LARS2: variants seen among roughly 807,000 people sequenced by gnomAD.
LARS2 encodes the protein leucyl-tRNA synthetase 2, mitochondrial, also known as leucine--tRNA ligase, mitochondrial.
Under a neutral mutation model 116.6 loss-of-function variants are expected in LARS2, and 81 were observed. The observed-to-expected ratio is 0.69, with a 90% confidence interval of 0.58 to 0.84. The LOEUF is 0.84. Among genes scored for constraint, LARS2 ranks in the 40% least tolerant of loss-of-function variants. The probability of loss-of-function intolerance (pLI) is 0.00; values close to 1 mark genes in which losing one functional copy is unlikely to be tolerated. For synonymous variants in LARS2, 396 were observed against 407.2 expected (o/e 0.97, Z 0.33); for missense variants, 968 against 1,114.5 (o/e 0.87, Z 1.87).
At chr3:45,508,032 T>C (rs1384950949) in intron 15 of LARS2, among the ~76,000 whole-genome samples, 2 of 152,048 alleles carry the variant, frequency 1.3e-5, no homozygotes, top group Non-Finnish European at 2.9e-5. Flanking sequence ...CCATCTTCAC[T>C]GAATGAGATC....
chr3:45,460,031 A>G (rs1331454965), intron 8 of LARS2, among the ~76,000 whole-genome samples: 7 of 152,212 alleles, frequency 4.6e-5, no homozygotes, highest in Admixed American at 4.6e-4. Context: ...TCAATATCCC[A>G]TGGTCACTAC....
chr3:45,444,492 A>G (rs62244124), intron 6 of LARS2, among the ~76,000 whole-genome samples: 1 of 130,878 alleles, frequency 7.6e-6, no homozygotes, highest in East Asian at 2.3e-4. Flanking sequence ...TGAAACCCCC[A>G]TCTCTACTAA....
At chr3:45,504,986 C>G (rs369952858) in intron 15 of LARS2, among the ~76,000 whole-genome samples, 1 of 151,524 alleles carries the variant, frequency 6.6e-6, no homozygotes, top group South Asian at 2.1e-4. Context: ...GAGGCTGAGG[C>G]ACGAGAATTG....
chr3:45,429,442 C>T (rs1349202413), intron 6 of LARS2, among the ~76,000 whole-genome samples: 1 of 152,202 alleles, frequency 6.6e-6, no homozygotes, highest in Non-Finnish European at 1.5e-5. Flanking sequence ...CATTTCTTCT[C>T]AAGCCTTCCA....
chr3:45,435,758 C>T (rs760550445), intron 6 of LARS2, among the ~76,000 whole-genome samples: 15 of 152,126 alleles, frequency 9.9e-5, no homozygotes, highest in Non-Finnish European at 2.1e-4. Flanking sequence ...CAGGACTTAC[C>T]ATTGTCATTC....
chr3:45,423,943 T>A (rs1163932413), intron 6 of LARS2, among the ~76,000 whole-genome samples: 2 of 152,202 alleles, frequency 1.3e-5, no homozygotes, highest in Admixed American at 6.5e-5. Context: ...TTGTCTTTTT[T>A]AAAAATACTT....
rs1165175936 is a variant in LARS2 at position 45,476,475 on chromosome 3, G to C, written c.866G>C (p.Gly289Ala). 6.2e-7 allele frequency: 1 copy of C among 1,614,022 alleles called. No individual in the cohort carries two copies. Among genetic ancestry groups the C allele is most frequent in the Admixed American group, 1.7e-5 (1 of 59,996 alleles). The change falls in exon 10 of 22, where the codon GGG becomes GCG. Residue 289 changes from glycine to alanine, a missense_variant. Gly to Ala is a moderately conservative substitution (Grantham distance 60, BLOSUM62 0). Transcript: ENST00000645846. ...CHLDFTLKVH[G>A]QATGEKLTAY... ...CTTCTTTCCTATCACCAGGTTCATG[G>C]GCAAGCCACGGGCGAAAAGCTGACT...
chr3:45,484,651 A>ATATATATATATATATATATATATATAT (rs1553634461), intron 10 of LARS2, among the ~76,000 whole-genome samples: 1 of 100,650 alleles, frequency 9.9e-6, no homozygotes, highest in Non-Finnish European at 2.1e-5. Context: ...ATATATATTT[A>ATATATATATATATATATATATATATAT]AAATAAGATG....
chr3:45,483,447 G>A (rs565993993), intron 10 of LARS2, among the ~76,000 whole-genome samples: 4 of 152,214 alleles, frequency 2.6e-5, no homozygotes, highest in South Asian at 4.1e-4. Context: ...TCAGGAGTTC[G>A]AGACCAGCCT....
In LARS2 at chr3:45,440,746, G is replaced by C. The variant is rs556990482; in HGVS notation, c.517-6145G>C. On this transcript the variant is annotated intron_variant, in intron 6 of 21. Coordinates refer to ENST00000645846, the MANE Select transcript of LARS2 (RefSeq NM_015340.4). The stretch of plus-strand genomic sequence containing the variant: ...CTAAATCCTGCCCAAGCAGCAGTGT[G>C]GGGGTGGAGGCAACCTAGCAGGCCC... 1.2e-3 allele frequency among the ~76,000 whole-genome samples: 188 copies of C among 152,212 alleles called. 1 individual carries two copies. Among genetic ancestry groups the C allele is most frequent in the Non-Finnish European group, 2.2e-3 (153 of 68,006 alleles).
intron 6 of LARS2, among the ~76,000 whole-genome samples, chr3:45,425,502 C>T (rs1425683100): frequency 6.6e-6 from 1 of 152,218 alleles, no homozygotes; most frequent in East Asian, 1.9e-4. Flanking sequence ...TGGTCAGCAG[C>T]ACAGCCACAT....
intron 15 of LARS2, among the ~76,000 whole-genome samples, chr3:45,502,921 T>G (rs1469546577): frequency 6.6e-6 from 1 of 152,104 alleles, no homozygotes; most frequent in African/African-American, 2.4e-5. Context: ...TTATATTATC[T>G]GATAATTCTT....
chr3:45,480,654 A>G (rs1353620141), intron 10 of LARS2, among the ~76,000 whole-genome samples: 3 of 152,222 alleles, frequency 2.0e-5, no homozygotes. Flanking sequence ...GGAGAACACT[A>G]GAGACCTATT....
At position 45,537,399 on chromosome 3, in the gene LARS2, G is replaced by T. The variant is rs974177930; in HGVS notation, c.2405-4430G>T. On this transcript the variant is annotated intron_variant, in intron 20 of 21. Transcript: ENST00000645846. ...AAAGTGGTTGTGAAATGTAGCTATT[G>T]TGTTTTGCTGTCTTTACACTGTACT... 4.6e-5 allele frequency among the ~76,000 whole-genome samples: 7 copies of T among 152,168 alleles called. No homozygotes were observed. In the East Asian group the frequency reaches 1.3e-3, roughly 29 times the overall value.
intron 16 of LARS2, among the ~76,000 whole-genome samples, 160 bp downstream of exon 16, chr3:45,513,395 G>C (rs537616614): frequency 6.6e-6 from 1 of 152,160 alleles, no homozygotes; most frequent in South Asian, 2.1e-4. Context: ...CTCTGGGCCT[G>C]CGCCCCCTGA....
At position 45,516,138 on chromosome 3, in the gene LARS2, A is replaced by T. The variant is rs1700366232; in HGVS notation, c.1906A>T (p.Thr636Ser). 6.2e-7 allele frequency: 1 copy of T among 1,614,098 alleles called. No individual in the cohort carries two copies. Among genetic ancestry groups the T allele is most frequent in the African/African-American group, 1.3e-5 (1 of 74,940 alleles). Residue 636 changes from threonine (T) to serine (S), a missense_variant, in exon 17 of 22, where the codon ACG becomes TCG. Transcript: ENST00000645846. ...AAAAACGAAAGAGAAGTTAGAGGTG[A>T]CGTGGGAGAAGATGAGTAAGTCCAA... ...HAKTKEKLEV[T>S]WEKMSKSKHN...
At chr3:45,406,203 G>A (rs1265757101) in intron 4 of LARS2, among the ~76,000 whole-genome samples, 2 of 152,126 alleles carry the variant, frequency 1.3e-5, no homozygotes, top group African/African-American at 2.4e-5. Context: ...AGTTGTTGCC[G>A]TCAAGTTTGG....
chr3:45,390,318 A>G (rs1056122144), intron 1 of LARS2, among the ~76,000 whole-genome samples: 8 of 148,630 alleles, frequency 5.4e-5, no homozygotes, highest in African/African-American at 2.0e-4. Context: ...ATTTTTATTT[A>G]TTTATTTTTT....
intron 4 of LARS2, among the ~76,000 whole-genome samples, chr3:45,416,427 C>CT (rs1698423165): frequency 6.6e-6 from 1 of 152,056 alleles, no homozygotes; most frequent in African/African-American, 2.4e-5. Context: ...TTAAGAGGGA[C>CT]TGTGTGCCGG....
Sources: gnomAD v4.1 joint callset for allele counts (sites outside exome capture counted in the v4.1 genomes callset) on GRCh38, gnomAD v4.1.1 for gene constraint, MANE v1.5 for transcripts, NCBI Gene and HGNC (gene_info 2026-07-23, HGNC 2026-07-21) for gene names.